Variants in TMEM68 observed in about 807,000 individuals in gnomAD.
The protein encoded by TMEM68 is transmembrane protein 68, also known as DGAT1/2-independent enzyme synthesizing storage lipids.
TMEM68 carries 25 observed loss-of-function variants against 36.9 expected under a neutral mutation model. The observed-to-expected ratio is 0.68, with a 90% CI of 0.49 to 0.95. The LOEUF is 0.95. Ranked by LOEUF, TMEM68 falls within the 40% of genes least tolerant of loss-of-function variation. The pLI, the probability that TMEM68 is intolerant of heterozygous loss-of-function variation, is 0.00. For missense variants in TMEM68, 333 were observed against 392.0 expected (o/e 0.85, Z 1.27); for synonymous variants, 131 against 124.4 (o/e 1.05, Z -0.35).
intron 1 of TMEM68, 122 bp downstream of exon 1, chr8:55,773,147 G>T (rs1371150056): frequency 6.6e-6 from 1 of 152,416 alleles, no homozygotes; most frequent in Non-Finnish European, 1.5e-5. Context: ...GCTCCTGGGA[G>T]ACCGGACGCG....
chr8:55,759,603 A>G (rs968038360), intron 3 of TMEM68, among the ~76,000 whole-genome samples: 1 of 152,020 alleles, frequency 6.6e-6, no homozygotes, highest in African/African-American at 2.4e-5. Flanking sequence ...AATAAAACTA[A>G]AAAATACATA....
At position 55,740,183 on chromosome 8, in the gene TMEM68, G is replaced by A. The variant is rs751694458; in HGVS notation, c.924C>T (p.His308=). The change falls in exon 8 of 8, where the codon CAC becomes CAT. Residue 308 remains histidine, a synonymous_variant. Transcript: ENST00000434581. ...KNAVQALIDK[H]QRIPGNIMSA... Reference sequence around the variant, plus strand: ...TCATAATGTTTCCTGGTATTCTTTGGTGCTTATCAATCAAAGCTTGAACAG... The same window carrying A: ...TCATAATGTTTCCTGGTATTCTTTGATGCTTATCAATCAAAGCTTGAACAG... The A allele has an allele frequency of 1.9e-6, 3 of 1,613,144 alleles. No individual in the cohort carries two copies. The highest frequency in any genetic ancestry group is 2.5e-6 in the Non-Finnish European group (3 of 1,179,808).
intron 4 of TMEM68, among the ~76,000 whole-genome samples, chr8:55,754,842 A>ATATATATATTATATATAAAATATATAG: frequency 7.5e-6 from 1 of 133,762 alleles, no homozygotes; most frequent in Non-Finnish European, 1.5e-5. Flanking sequence ...ATATTATGTA[A>ATATATATATTATATATAAAATATATAG]TATATATTTA....
intron 1 of TMEM68, among the ~76,000 whole-genome samples, chr8:55,772,558 G>C (rs916528658): frequency 6.6e-6 from 1 of 152,064 alleles, no homozygotes; most frequent in African/African-American, 2.4e-5. Flanking sequence ...CAAACCCCAG[G>C]GACCGAGACA....
chr8:55,743,892 C>CA (rs1384644503), intron 6 of TMEM68, among the ~76,000 whole-genome samples: 9 of 151,694 alleles, frequency 5.9e-5, no homozygotes, highest in African/African-American at 1.9e-4. Context: ...AAATGCCCCC[C>CA]AAAAAAGTTT....
intron 4 of TMEM68, among the ~76,000 whole-genome samples, chr8:55,754,633 T>C (rs1810524586): frequency 2.3e-5 from 3 of 131,216 alleles, no homozygotes. Flanking sequence ...AATACATACA[T>C]TATATAATAT....
At chr8:55,748,507 ATG>A (rs1810344716) in intron 5 of TMEM68, among the ~76,000 whole-genome samples, 1 of 136,364 alleles carries the variant, frequency 7.3e-6, no homozygotes, top group Non-Finnish European at 1.6e-5. Flanking sequence ...ACATATATAA[ATG>A]TGTGTCTGTA....
intron 7 of TMEM68, among the ~76,000 whole-genome samples, chr8:55,741,373 T>C (rs1810097338): frequency 6.6e-6 from 1 of 152,106 alleles, no homozygotes; most frequent in Non-Finnish European, 1.5e-5. Flanking sequence ...GCCACAGAGG[T>C]TGTGTTCCGT....
chr8:55,739,627 T>C lies in TMEM68; in HGVS notation c.*505A>G, dbSNP rs1454932376. 5.9e-5 allele frequency: 9 copies of C among 152,654 alleles called. No individual in the cohort carries two copies. Among genetic ancestry groups the C allele is most frequent in the African/African-American group, 2.2e-4 (9 of 41,458 alleles). 9.5% of individuals were successfully genotyped at this position (152,654 alleles called of 1,614,324 possible). On this transcript the variant is annotated 3_prime_UTR_variant, in exon 8 of 8. Transcript: ENST00000434581. ...ATAAATAACAAAATAATATCATTCATCATACGATCATGTTTTTAAAAAGTG... is the reference window on the plus strand; with the variant it reads ...ATAAATAACAAAATAATATCATTCACCATACGATCATGTTTTTAAAAAGTG...
At chr8:55,751,546 C>G (rs753882347) in intron 4 of TMEM68, 8 of 440,770 alleles carry the variant, frequency 1.8e-5, no homozygotes, top group South Asian at 6.5e-5. Flanking sequence ...TTCCATTAAC[C>G]CTATAAAAAA....
intron 3 of TMEM68, among the ~76,000 whole-genome samples, chr8:55,760,410 G>T (rs1051214853): frequency 1.3e-5 from 2 of 152,182 alleles, no homozygotes; most frequent in Non-Finnish European, 2.9e-5. Flanking sequence ...GCAGAATCAG[G>T]CTCAAAGAAA....
intron 1 of TMEM68, among the ~76,000 whole-genome samples, chr8:55,765,659 T>C (rs909911117): frequency 7.9e-5 from 12 of 152,204 alleles, no homozygotes; most frequent in African/African-American, 2.9e-4. Context: ...CTCTACAAAC[T>C]ACACTTGAAA....
intron 3 of TMEM68, among the ~76,000 whole-genome samples, chr8:55,758,235 C>T (rs1336898578): frequency 1.3e-5 from 2 of 152,120 alleles, no homozygotes; most frequent in Admixed American, 1.3e-4. Context: ...GTAGCTGTAG[C>T]GCAGCAATAA....
intron 3 of TMEM68, among the ~76,000 whole-genome samples, chr8:55,758,921 TAGAA>T (rs374938361): frequency 2.0e-4 from 30 of 152,248 alleles, no homozygotes; most frequent in African/African-American, 6.7e-4. Context: ...TAGAGTCAAA[TAGAA>T]AGGCTGTAAA....
intron 1 of TMEM68, among the ~76,000 whole-genome samples, chr8:55,766,609 C>A (rs1339088299): frequency 1.3e-5 from 2 of 152,096 alleles, no homozygotes; most frequent in African/African-American, 4.8e-5. Context: ...ATCTCCTGAA[C>A]TTGTGATCCG....
At chr8:55,771,695 G>A (rs1356401397) in intron 1 of TMEM68, among the ~76,000 whole-genome samples, 1 of 152,112 alleles carries the variant, frequency 6.6e-6, no homozygotes, top group Non-Finnish European at 1.5e-5. Flanking sequence ...TTTACTTTTA[G>A]TATATAAGTC....
chr8:55,756,447 ATTCAT>A (rs1344273728), intron 3 of TMEM68, 36 bp from the exon 4 acceptor site: 1 of 1,522,018 alleles, frequency 6.6e-7, no homozygotes, highest in Non-Finnish European at 8.8e-7. Context: ...CTTAAAATAT[ATTCAT>A]TAATTCGTTT....
In TMEM68 at chr8:55,743,629, G is replaced by C. The variant is rs1040983023; in HGVS notation, c.749-9C>G. Reference sequence around the variant, plus strand: ...AAGCCACCTAAATAACCCTGTTTTAGAGTAAATACAATCATTTTAACTTGT... The same window carrying C: ...AAGCCACCTAAATAACCCTGTTTTACAGTAAATACAATCATTTTAACTTGT... On this transcript the variant is annotated splice_polypyrimidine_tract_variant and intron_variant, in intron 6 of 7. Transcript: ENST00000434581. The C allele has an allele frequency of 1.6e-5, 25 of 1,531,318 alleles. No individual in the cohort carries two copies. The Admixed American group carries it at 2.2e-4, about 13-fold the overall frequency. The allele number at this position is 1,531,318 out of a possible 1,614,324, so 94.9% of individuals were successfully genotyped here. A position where few individuals can be genotyped will look rare whatever the true frequency, so the allele number is the denominator to read the frequency against.
intron 7 of TMEM68, 93 bp downstream of exon 7, chr8:55,743,388 C>G (rs1310252057): frequency 2.3e-5 from 32 of 1,416,680 alleles, no homozygotes; most frequent in Non-Finnish European, 3.0e-5. Flanking sequence ...CCTAGACATG[C>G]TTGTAGAATA....
Sources: allele counts gnomAD v4.1 joint callset (sites outside exome capture counted in the v4.1 genomes callset), GRCh38; gene constraint gnomAD v4.1.1; transcripts MANE v1.5; gene names NCBI Gene and HGNC (gene_info 2026-07-23, HGNC 2026-07-21).